The following SSR3 variants were observed in gnomAD, a reference collection of about 807,000 sequenced individuals.
The protein encoded by SSR3 is signal sequence receptor subunit 3.
SSR3 carries 10 observed loss-of-function variants against 22.1 expected under a neutral mutation model. The ratio of observed to expected loss-of-function variants is 0.45; its 90% CI spans 0.28 to 0.77. The LOEUF is 0.77. Among genes scored for constraint, SSR3 ranks in the 30% least tolerant of loss-of-function variants. The pLI, the probability that SSR3 is intolerant of heterozygous loss-of-function variation, is 0.13. For synonymous variants in SSR3, 104 were observed against 82.5 expected (o/e 1.26, Z -1.42); for missense variants, 181 against 220.5 (o/e 0.82, Z 1.13).
In SSR3 at chr3:156,544,412, A is replaced by G. The variant is rs1719685512; in HGVS notation, c.387T>C (p.Ala129=). The G allele has an allele frequency of 1.3e-5, 20 of 1,588,782 alleles. No homozygotes were observed. Among genetic ancestry groups the G allele is most frequent in the Non-Finnish European group, 1.5e-5 (18 of 1,168,228 alleles). The change falls in exon 4 of 5, where the codon GCT becomes GCC. Residue 129 remains alanine, a synonymous_variant. Coordinates refer to ENST00000265044, the MANE Select transcript of SSR3 (RefSeq NM_007107.5). ...TGGAAAATGTTGTAGCTTCATAATC[A>G]GCAACTTCATTCTTCTTCCACAAGA... The part of the protein sequence containing the change: ...ERILWKKNEV[A]DYEATTFSIF...
Position 156,540,009 on chromosome 3 carries a change from A to C in SSR3, c.*3194T>G, listed in dbSNP as rs1289110181. On this transcript the variant is annotated 3_prime_UTR_variant, in exon 5 of 5. Coordinates refer to ENST00000265044, the MANE Select transcript of SSR3 (RefSeq NM_007107.5). ...TATGTACCAAACCTGCATGGTCAGC[A>C]CATGTATCCCAGAACTTAAAGTAAA... The C allele has an allele frequency of 6.6e-6, 1 of 152,234 alleles. No individual in the cohort carries two copies. The highest frequency in any genetic ancestry group is 2.4e-5 in the African/African-American group (1 of 41,454). The allele number at this position is 152,234 out of a possible 1,614,324, so 9.4% of individuals were successfully genotyped here.
chr3:156,540,862 T>C lies in SSR3; in HGVS notation c.*2341A>G, dbSNP rs1424267278. 1 of 152,156 alleles carries C rather than the reference T, an allele frequency of 6.6e-6. No individual in the cohort carries two copies. Among genetic ancestry groups the C allele is most frequent in the Non-Finnish European group, 1.5e-5 (1 of 68,024 alleles). 9.4% of individuals were successfully genotyped at this position (152,156 alleles called of 1,614,324 possible). On this transcript the variant is annotated 3_prime_UTR_variant, in exon 5 of 5. Coordinates refer to ENST00000265044, the MANE Select transcript of SSR3 (RefSeq NM_007107.5). ...AGATTGAGTAGGTCGCATCTCTGTG[T>C]GCCACACAGAACTTTTAGACAAGAG...
At chr3:156,549,674 T>TA (rs1211796524) in intron 2 of SSR3, among the ~76,000 whole-genome samples, 1 of 152,248 alleles carries the variant, frequency 6.6e-6, no homozygotes, top group African/African-American at 2.4e-5. Context: ...AGAACTGAGT[T>TA]AGAATTGACA....
Position 156,541,434 on chromosome 3 carries a change from T to C in SSR3, c.*1769A>G, listed in dbSNP as rs1289883033. The C allele has an allele frequency of 6.6e-6, 1 of 152,162 alleles. No individual in the cohort carries two copies. Among genetic ancestry groups the C allele is most frequent in the Non-Finnish European group, 1.5e-5 (1 of 68,034 alleles). The allele number at this position is 152,162 out of a possible 1,614,324, so 9.4% of individuals were successfully genotyped here. Reference sequence around the variant, plus strand: ...CTTTTTGGGTTTTTTTGTTTCTTTTTTGAGATGGAGTCTCACCCTTGCCAC... The same window carrying C: ...CTTTTTGGGTTTTTTTGTTTCTTTTCTGAGATGGAGTCTCACCCTTGCCAC... On this transcript the variant is annotated 3_prime_UTR_variant, in exon 5 of 5. Transcript: ENST00000265044.
intron 3 of SSR3, among the ~76,000 whole-genome samples, chr3:156,547,302 G>A (rs966696252): frequency 7.2e-5 from 11 of 152,100 alleles, no homozygotes; most frequent in African/African-American, 2.4e-4. Context: ...GAAAGATTCC[G>A]AGACATAACC....
At position 156,541,152 on chromosome 3, in the gene SSR3, C is replaced by T. The variant is rs1241941415; in HGVS notation, c.*2051G>A. On this transcript the variant is annotated 3_prime_UTR_variant, in exon 5 of 5. Coordinates refer to ENST00000265044, the MANE Select transcript of SSR3 (RefSeq NM_007107.5). ...CTATATTAGGAATATTCGGCTGATACCCCTATTTCACCACCTCATCTAAGC... is the reference window on the plus strand; with the variant it reads ...CTATATTAGGAATATTCGGCTGATATCCCTATTTCACCACCTCATCTAAGC... The T allele has an allele frequency of 6.6e-6, 1 of 152,000 alleles. No individual in the cohort carries two copies. The highest frequency in any genetic ancestry group is 1.5e-5 in the Non-Finnish European group (1 of 67,948). 9.4% of individuals were successfully genotyped at this position (152,000 alleles called of 1,614,324 possible).
chr3:156,554,875 C>A (rs1239631077), intron 1 of SSR3, 82 bp downstream of exon 1: 1 of 1,531,524 alleles, frequency 6.5e-7, no homozygotes, highest in African/African-American at 1.4e-5. Flanking sequence ...CCACGCCTTC[C>A]CTGCTCGCCG....
At chr3:156,553,147 C>T (rs1481004524) in intron 2 of SSR3, among the ~76,000 whole-genome samples, 1 of 152,020 alleles carries the variant, frequency 6.6e-6, no homozygotes, top group Non-Finnish European at 1.5e-5. Context: ...GGCCCAGCTA[C>T]TTGGGAGGCT....
In SSR3 at chr3:156,541,950, A is replaced by C. The variant is rs570896847; in HGVS notation, c.*1253T>G. ...ATGAATAATTTTTATAAAATTATAA[A>C]GAAAACAACTAATAACATGTATGAA... On this transcript the variant is annotated 3_prime_UTR_variant, in exon 5 of 5. Transcript: ENST00000265044. 3.3e-5 allele frequency: 5 copies of C among 152,356 alleles called. No homozygotes were observed. The highest frequency in any genetic ancestry group is 1.2e-4 in the African/African-American group (5 of 41,582). The allele number at this position is 152,356 out of a possible 1,614,324, so 9.4% of individuals were successfully genotyped here.
rs1275948643 is a variant in SSR3 at position 156,540,428 on chromosome 3, AC to A, written c.*2774del. 1 of 151,948 alleles carries A rather than the reference AC, an allele frequency of 6.6e-6. No individual in the cohort carries two copies. Among genetic ancestry groups the A allele is most frequent in the East Asian group, 1.9e-4 (1 of 5,174 alleles). 9.4% of individuals were successfully genotyped at this position (151,948 alleles called of 1,614,324 possible). ...AGACCATCCTGGCTAACAGGGTGAAACCCCGTCTCTACTAAAAATACAAAAA... is the reference window on the plus strand; with the variant it reads ...AGACCATCCTGGCTAACAGGGTGAAACCCGTCTCTACTAAAAATACAAAAA... On this transcript the variant is annotated 3_prime_UTR_variant, in exon 5 of 5. Coordinates refer to ENST00000265044, the MANE Select transcript of SSR3 (RefSeq NM_007107.5).
intron 3 of SSR3, among the ~76,000 whole-genome samples, chr3:156,546,422 A>G (rs1352285991): frequency 6.6e-6 from 1 of 152,186 alleles, no homozygotes; most frequent in Non-Finnish European, 1.5e-5. Flanking sequence ...GTGAAAATCG[A>G]CTAATACAAG....
chr3:156,543,890 C>T (rs534552840), intron 4 of SSR3: 41 of 180,586 alleles, frequency 2.3e-4, no homozygotes, highest in Non-Finnish European at 4.3e-4. Context: ...CTCAACTTAA[C>T]AGCAGCTTGA....
In SSR3 at chr3:156,544,333, T is replaced by A; in HGVS notation, c.466A>T (p.Ile156Leu). ...LVVVIVASFF[I>L]LKNFNPTVNY... ...ACTGTGGGGTTGAAGTTCTTCAATA[T>A]GAAGAAGGAAGCAACAATGACCACG... Residue 156 changes from isoleucine to leucine, a missense_variant, in exon 4 of 5, where the codon ATA (isoleucine) becomes TTA (leucine). Ile to Leu is a conservative substitution (Grantham distance 5, BLOSUM62 2). Coordinates refer to ENST00000265044, the MANE Select transcript of SSR3 (RefSeq NM_007107.5). The A allele has an allele frequency of 6.3e-7, 1 of 1,593,812 alleles. No individual in the cohort carries two copies. The highest frequency in any genetic ancestry group is 8.5e-7 in the Non-Finnish European group (1 of 1,170,296).
In SSR3 at chr3:156,548,941, T is replaced by C. The variant is rs1326881793; in HGVS notation, c.323A>G (p.Asp108Gly). The C allele has an allele frequency of 7.4e-6, 12 of 1,613,582 alleles. No individual in the cohort carries two copies. Among genetic ancestry groups the C allele is most frequent in the South Asian group, 1.1e-5 (1 of 91,064 alleles). ...KEVTRKLSEA[D>G]NRKMSRKEKD... ...CTCCTTCCGAGACATCTTTCTATTA[T>C]CAGCTTCAGAAAGTTTTCGAGTCAC... Residue 108 changes from aspartate (D) to glycine (G), a missense_variant, in exon 3 of 5, where the codon GAT (aspartate) becomes GGT (glycine). Asp to Gly is a moderately conservative substitution (Grantham distance 94). Coordinates refer to ENST00000265044, the MANE Select transcript of SSR3 (RefSeq NM_007107.5).
Position 156,543,082 on chromosome 3 carries a change from G to T in SSR3, c.*121C>A. On this transcript the variant is annotated 3_prime_UTR_variant, in exon 5 of 5. Coordinates refer to ENST00000265044, the MANE Select transcript of SSR3 (RefSeq NM_007107.5). ...CAAATACTGAATTACATTCTGCTGG[G>T]TTTTTTAAAGGCTCTAGACTATAAA... 1.5e-6 allele frequency: 1 copy of T among 667,010 alleles called. No individual in the cohort carries two copies. Among genetic ancestry groups the T allele is most frequent in the Non-Finnish European group, 2.4e-6 (1 of 411,906 alleles). The allele number at this position is 667,010 out of a possible 1,614,324, so 41.3% of individuals were successfully genotyped here. A position where few individuals can be genotyped will look rare whatever the true frequency, so the allele number is the denominator to read the frequency against.
Position 156,544,406 on chromosome 3 carries a change from A to C in SSR3, c.393T>G (p.Tyr131Ter). 1.9e-6 allele frequency: 3 copies of C among 1,591,006 alleles called. No individual in the cohort carries two copies. The highest frequency in any genetic ancestry group is 2.6e-6 in the Non-Finnish European group (3 of 1,169,046). Residue 131 changes from tyrosine (Y) to a stop codon, truncating the protein, a stop_gained, in exon 4 of 5, where the codon TAT (tyrosine) becomes TAG (stop). Transcript: ENST00000265044. LOFTEE classifies it high-confidence loss of function. ...AGAAGATGGAAAATGTTGTAGCTTC[A>C]TAATCAGCAACTTCATTCTTCTTCC... ...ILWKKNEVADYEATTFSIFYN... is the reference protein window; with the variant it reads ...ILWKKNEVAD
Position 156,542,327 on chromosome 3 carries a change from T to C in SSR3, c.*876A>G, listed in dbSNP as rs1364460523. Reference sequence around the variant, plus strand: ...AGCACTAAAATCACTGTAAATTCCTTGGAGAGTTCTCAGAATTGCAGAAGT... The same window carrying C: ...AGCACTAAAATCACTGTAAATTCCTCGGAGAGTTCTCAGAATTGCAGAAGT... On this transcript the variant is annotated 3_prime_UTR_variant, in exon 5 of 5. Transcript: ENST00000265044. The C allele has an allele frequency of 1.3e-5, 2 of 152,256 alleles. No homozygotes were observed. The highest frequency in any genetic ancestry group is 2.9e-5 in the Non-Finnish European group (2 of 68,038). The allele number at this position is 152,256 out of a possible 1,614,324, so 9.4% of individuals were successfully genotyped here.
chr3:156,545,249 G>A (rs1719719693), intron 3 of SSR3, among the ~76,000 whole-genome samples: 2 of 152,196 alleles, frequency 1.3e-5, no homozygotes, highest in African/African-American at 4.8e-5. Flanking sequence ...AATTAATTGA[G>A]TTGAGACCAG....
intron 3 of SSR3, 113 bp from the exon 4 acceptor site, chr3:156,544,552 G>T (rs954294440): frequency 1.3e-5 from 10 of 768,396 alleles, no homozygotes; most frequent in Non-Finnish European, 1.7e-5. Flanking sequence ...GTGTTCTAGG[G>T]TAAGAATGTG....
Sources: allele counts gnomAD v4.1 joint callset (sites outside exome capture counted in the v4.1 genomes callset), GRCh38; gene constraint gnomAD v4.1.1; transcripts MANE v1.5; gene names NCBI Gene and HGNC (gene_info 2026-07-23, HGNC 2026-07-21).